SFT2D1: variants seen among roughly 807,000 people sequenced by gnomAD.
The protein encoded by SFT2D1 is SFT2 domain containing 1, also known as vesicle transport protein SFT2A.
Under a neutral mutation model 28.1 loss-of-function variants are expected in SFT2D1, and 24 were observed. The ratio of observed to expected loss-of-function variants is 0.85; its 90% CI spans 0.62 to 1.20. The LOEUF (loss-of-function observed/expected upper bound fraction) is 1.20, where lower values mean the gene tolerates loss of function less well. Ranked by LOEUF, SFT2D1 falls within the 50% of genes most tolerant of loss-of-function variation. The pLI is 0.00. For missense variants in SFT2D1, 181 were observed against 190.9 expected, an observed-to-expected ratio of 0.95 and a Z score of 0.31; for synonymous variants, 82 against 73.7, an observed-to-expected ratio of 1.11 and a Z score of -0.58.
intron 1 of SFT2D1, 95 bp downstream of exon 1, chr6:166,342,324 C>A (rs1040420182): frequency 8.5e-7 from 1 of 1,170,676 alleles, no homozygotes; most frequent in Non-Finnish European, 1.2e-6. Context: ...TCCCAGACCC[C>A]CGGCCTCGCA....
At position 166,322,906 on chromosome 6, in the gene SFT2D1, A is replaced by G. The variant is rs1336799937; in HGVS notation, c.411-20T>C. 1.2e-6 allele frequency: 2 copies of G among 1,603,084 alleles called. No individual in the cohort carries two copies. The highest frequency in any genetic ancestry group is 4.5e-5 in the East Asian group (2 of 44,792). On this transcript the variant is annotated intron_variant, in intron 6 of 7. Coordinates refer to ENST00000361731, the MANE Select transcript of SFT2D1 (RefSeq NM_145169.3). ...CTATACCTGCAAGAAATATTCAAGC[A>G]TGTTGAATCTTCATCTGAATGATGG... is the stretch of plus-strand genomic sequence containing the variant.
intron 3 of SFT2D1, among the ~76,000 whole-genome samples, chr6:166,328,827 C>G (rs145938520): frequency 5.3e-5 from 8 of 152,250 alleles, no homozygotes; most frequent in African/African-American, 1.7e-4. Flanking sequence ...TCTGTTACTG[C>G]AGCATAAAAA....
chr6:166,334,913 AAAG>A, intron 1 of SFT2D1: 1 of 424,456 alleles, frequency 2.4e-6, no homozygotes, highest in Non-Finnish European at 4.5e-6. Context: ...TGGCGGCATT[AAAG>A]AAGACATTGA....
intron 1 of SFT2D1, chr6:166,335,290 C>G (rs1243683659): frequency 3.5e-6 from 2 of 578,828 alleles, no homozygotes; most frequent in Admixed American, 1.9e-5. Context: ...GCGGTGGATA[C>G]AGTGGCAGCA....
At chr6:166,339,817 CT>C (rs1778740260) in intron 1 of SFT2D1, among the ~76,000 whole-genome samples, 1 of 152,202 alleles carries the variant, frequency 6.6e-6, no homozygotes, top group South Asian at 2.1e-4. Flanking sequence ...TTCTACACAC[CT>C]AGAGAAAACC....
chr6:166,324,669 T>C (rs1039540431), intron 5 of SFT2D1, 74 bp from the exon 6 acceptor site: 52 of 1,384,196 alleles, frequency 3.8e-5, no homozygotes, highest in Non-Finnish European at 5.1e-5. Context: ...AACTTAATTC[T>C]TGTCTTTCAA....
chr6:166,325,361 C>T (rs1778424695), intron 5 of SFT2D1, among the ~76,000 whole-genome samples: 1 of 151,966 alleles, frequency 6.6e-6, no homozygotes, highest in Non-Finnish European at 1.5e-5. Flanking sequence ...GTTGATAGTT[C>T]AAGAACTGCT....
In SFT2D1 at chr6:166,342,408, A is replaced by C. The variant is rs1268180975; in HGVS notation, c.63+11T>G. The C allele has an allele frequency of 3.9e-6, 6 of 1,551,434 alleles. No individual in the cohort carries two copies. The highest frequency in any genetic ancestry group is 3.5e-6 in the Non-Finnish European group (4 of 1,148,156). On this transcript the variant is annotated intron_variant, in intron 1 of 7. Coordinates refer to ENST00000361731, the MANE Select transcript of SFT2D1 (RefSeq NM_145169.3). ...CAGCCCCGGGACTGGACGAGGGCGC[A>C]AGTTCGCTACCTGCGCAGTCAGGCC... is the stretch of plus-strand genomic sequence containing the variant.
rs201063880 is a variant in SFT2D1 at position 166,330,178 on chromosome 6, C to T, written c.133G>A (p.Val45Ile). 234 of 1,598,912 alleles carry T rather than the reference C, an allele frequency of 1.5e-4. 1 individual carries two copies. The highest frequency in any genetic ancestry group is 3.3e-4 in the Middle Eastern group (2 of 5,984). ...TAACTCACAAGAATAGAAAAGAAAACGCCACATACGAAGCAGATGGCAAAC... is the reference window on the plus strand; with the variant it reads ...TAACTCACAAGAATAGAAAAGAAAATGCCACATACGAAGCAGATGGCAAAC... Reference protein sequence around the residue: ...KWFAICFVCGVFFSILGTGLL... With the variant: ...KWFAICFVCGIFFSILGTGLL... The change falls in exon 2 of 8, where the codon GTT (valine) becomes ATT (isoleucine). Residue 45 changes from valine to isoleucine, a missense_variant. Transcript: ENST00000361731.
At chr6:166,335,122 C>A (rs1283811058) in intron 1 of SFT2D1, 3 of 594,040 alleles carry the variant, frequency 5.1e-6, no homozygotes, top group African/African-American at 3.7e-5. Flanking sequence ...CCTGTGAAAG[C>A]AAGAGATGGC....
At chr6:166,334,996 T>A in intron 1 of SFT2D1, 1 of 489,730 alleles carries the variant, frequency 2.0e-6, no homozygotes, top group South Asian at 1.7e-5. Flanking sequence ...CTGACAGAGG[T>A]AGTGCCAAGA....
chr6:166,327,250 A>C (rs892518651), intron 4 of SFT2D1, among the ~76,000 whole-genome samples: 3 of 152,186 alleles, frequency 2.0e-5, no homozygotes, highest in Non-Finnish European at 2.9e-5. Context: ...AATCCACAAG[A>C]GACACAGACC....
rs779437566 is a variant in SFT2D1 at position 166,330,167 on chromosome 6, AG to A, written c.143del (p.Ser48LeufsTer14). Reference protein sequence around the residue: ...AICFVCGVFFSILGTGLLWLP... With the variant: ...AICFVCGVFFXILGTGLLWLP... ...ATATAAAGCCTTAACTCACAAGAAT[AG>A]AAAAGAAAACGCCACATACGAAGCA... On this transcript the variant is annotated frameshift_variant, in exon 2 of 8. Coordinates refer to ENST00000361731, the MANE Select transcript of SFT2D1 (RefSeq NM_145169.3). LOFTEE classifies it high-confidence loss of function. 3.7e-5 allele frequency: 59 copies of A among 1,589,550 alleles called. No individual in the cohort carries two copies. Among genetic ancestry groups the A allele is most frequent in the Non-Finnish European group, 4.9e-5 (58 of 1,172,186 alleles).
At chr6:166,324,206 T>C (rs999371577) in intron 6 of SFT2D1, 3 of 231,802 alleles carry the variant, frequency 1.3e-5, no homozygotes, top group African/African-American at 6.8e-5. Flanking sequence ...CATCTTCCCT[T>C]GGACTCACCC....
At chr6:166,333,121 G>A (rs535351673) in intron 1 of SFT2D1, among the ~76,000 whole-genome samples, 144 of 152,332 alleles carry the variant, frequency 9.5e-4, no homozygotes, top group African/African-American at 3.3e-3. Flanking sequence ...ATAGCAGTGG[G>A]TATAAAAAGT....
chr6:166,331,916 A>G (rs969406561), intron 1 of SFT2D1, among the ~76,000 whole-genome samples: 4 of 152,336 alleles, frequency 2.6e-5, no homozygotes, highest in African/African-American at 7.2e-5. Flanking sequence ...CCAAGTTCAA[A>G]TCACCCCATT....
chr6:166,330,335 C>T (rs1370978176), intron 1 of SFT2D1, 88 bp from the exon 2 acceptor site: 2 of 811,930 alleles, frequency 2.5e-6, no homozygotes, highest in African/African-American at 1.8e-5. Context: ...AGTTTTAACA[C>T]ATAGTCTGAA....
intron 4 of SFT2D1, among the ~76,000 whole-genome samples, chr6:166,327,469 T>C (rs1236872461): frequency 6.6e-6 from 1 of 152,220 alleles, no homozygotes; most frequent in Non-Finnish European, 1.5e-5. Context: ...ACCCACAATG[T>C]AATGGAAGGC....
At chr6:166,327,343 G>C (rs1778464528) in intron 4 of SFT2D1, among the ~76,000 whole-genome samples, 2 of 152,078 alleles carry the variant, frequency 1.3e-5, no homozygotes, top group Admixed American at 6.6e-5. Flanking sequence ...ATGATCAGCT[G>C]AACACCCAGC....
Sources: allele counts gnomAD v4.1 joint callset (sites outside exome capture counted in the v4.1 genomes callset), GRCh38; gene constraint gnomAD v4.1.1; transcripts MANE v1.5; gene names NCBI Gene and HGNC (gene_info 2026-07-23, HGNC 2026-07-21).